Variants in CHD8 observed in about 807,000 individuals in gnomAD.
CHD8 encodes chromodomain helicase DNA binding protein 8.
Under a neutral mutation model 279.2 loss-of-function variants are expected in CHD8, and 31 were observed. The ratio of observed to expected loss-of-function variants is 0.11; its 90% confidence interval spans 0.08 to 0.15. The LOEUF is 0.15. Among genes scored for constraint, CHD8 ranks in the 10% least tolerant of loss-of-function variants. CHD8 has a pLI of 1.00. For missense variants in CHD8, 2,146 were observed against 3,230.5 expected (o/e 0.66, Z 8.14); for synonymous variants, 1,081 against 1,139.6 (o/e 0.95, Z 1.04).
chr14:21,436,948 G>T lies in CHD8; in HGVS notation c.-215-5090C>A. ...TGCCAGTAAGGTCCATACAGCAGAG[G>T]CGGAAGATTTCTGGTAACTGGAGAC... On this transcript the variant is annotated intron_variant, in intron 1 of 37. Transcript: ENST00000646647. 3 of 1,288,596 alleles carry T rather than the reference G, an allele frequency of 2.3e-6. No homozygotes were observed. In the South Asian group the frequency reaches 3.7e-5, roughly 16 times the overall value. The allele number at this position is 1,288,596 out of a possible 1,614,324, so 79.8% of individuals were successfully genotyped here.
intron 5 of CHD8, among the ~76,000 whole-genome samples, chr14:21,417,614 G>A (rs1182493188): frequency 1.3e-5 from 2 of 151,862 alleles, no homozygotes; most frequent in Non-Finnish European, 2.9e-5. Flanking sequence ...CAGCACTTTG[G>A]GAGGCCGAGG....
At position 21,402,247 on chromosome 14, in the gene CHD8, G is replaced by A. The variant is rs1006505044; in HGVS notation, c.3882+89C>T. The A allele has an allele frequency of 6.6e-7, 1 of 1,521,256 alleles. No individual in the cohort carries two copies. Among genetic ancestry groups the A allele is most frequent in the South Asian group, 1.1e-5 (1 of 87,312 alleles). The allele number at this position is 1,521,256 out of a possible 1,614,324, so 94.2% of individuals were successfully genotyped here. On this transcript the variant is annotated intron_variant, in intron 19 of 37. Transcript: ENST00000646647. This position sits in a 1 kb window ranked among gnomAD's most constrained non-coding sequence, Gnocchi z 4.5. The stretch of plus-strand genomic sequence containing the variant: ...AAATAATAATTGAGAATCCAAACAA[G>A]GTAGTCAAATCCCTGTGTACAAATA...
intron 1 of CHD8, among the ~76,000 whole-genome samples, chr14:21,452,944 C>T (rs1373686133): frequency 3.3e-5 from 5 of 150,958 alleles, no homozygotes; most frequent in African/African-American, 4.9e-5. Context: ...GATCGCACCA[C>T]TGCATTCCTG....
At chr14:21,396,548 T>C (rs1225137359) in intron 27 of CHD8, 1 of 152,248 alleles carries the variant, frequency 6.6e-6, no homozygotes, top group Non-Finnish European at 1.5e-5. Context: ...GCTCAAGTGA[T>C]CCCATCCTGG....
intron 7 of CHD8, chr14:21,415,236 T>A (rs1228496652): frequency 2.1e-6 from 1 of 477,640 alleles, no homozygotes; most frequent in Non-Finnish European, 3.7e-6. Context: ...GTTTTCTAGC[T>A]AACTTTCCTC....
At chr14:21,394,861 G>C in intron 30 of CHD8, 51 bp downstream of exon 30, 1 of 1,568,266 alleles carries the variant, frequency 6.4e-7, no homozygotes, top group Non-Finnish European at 8.8e-7. Flanking sequence ...TTTCAGTATA[G>C]GGACCATAAC....
intron 1 of CHD8, among the ~76,000 whole-genome samples, chr14:21,439,855 T>A (rs1379053722): frequency 6.6e-6 from 1 of 152,248 alleles, no homozygotes; most frequent in East Asian, 1.9e-4. Context: ...CTAATATTGC[T>A]GCCTTCAAAT....
chr14:21,447,209 A>T (rs1456266511), intron 1 of CHD8, among the ~76,000 whole-genome samples: 1 of 152,232 alleles, frequency 6.6e-6, no homozygotes, highest in East Asian at 1.9e-4. Flanking sequence ...TACATAAAGC[A>T]AAAGGGGTTG....
At chr14:21,435,553 G>A (rs2139551252) in intron 1 of CHD8, among the ~76,000 whole-genome samples, 2 of 152,218 alleles carry the variant, frequency 1.3e-5, no homozygotes, top group South Asian at 4.1e-4. Context: ...CTATGATAAA[G>A]TATTTTGTTT....
At chr14:21,386,970 A>T (rs2139431070) in intron 37 of CHD8, among the ~76,000 whole-genome samples, 1 of 152,336 alleles carries the variant, frequency 6.6e-6, no homozygotes, top group Non-Finnish European at 1.5e-5. Flanking sequence ...GATCAGATAA[A>T]GATTTCTACA....
chr14:21,397,408 T>C (rs750088052), intron 27 of CHD8: 5 of 515,706 alleles, frequency 9.7e-6, no homozygotes, highest in East Asian at 5.5e-5. Flanking sequence ...GGGACATGTT[T>C]TCAGGCAAAA....
At chr14:21,450,886 C>A (rs1450063665) in intron 1 of CHD8, among the ~76,000 whole-genome samples, 1 of 151,582 alleles carries the variant, frequency 6.6e-6, no homozygotes, top group Non-Finnish European at 1.5e-5. Context: ...TTGGCACTAT[C>A]ACATTTAAGG....
chr14:21,445,994 G>A (rs553495748), intron 1 of CHD8, among the ~76,000 whole-genome samples: 8 of 151,280 alleles, frequency 5.3e-5, no homozygotes, highest in African/African-American at 9.7e-5. Context: ...GCGAGACTCC[G>A]TCTCAAAAAA....
chr14:21,434,650 T>C (rs1251338219), intron 1 of CHD8, among the ~76,000 whole-genome samples: 1 of 152,204 alleles, frequency 6.6e-6, no homozygotes, highest in Non-Finnish European at 1.5e-5. Flanking sequence ...TAGTTCGGTC[T>C]ATGCCTAATA....
chr14:21,386,709 C>G (rs1380588736), intron 37 of CHD8, among the ~76,000 whole-genome samples: 1 of 151,924 alleles, frequency 6.6e-6, no homozygotes, highest in African/African-American at 2.4e-5. Context: ...AGGTGGCGGG[C>G]GCCTGTAGTC....
In CHD8 at chr14:21,395,077, C is replaced by T; in HGVS notation, c.5225G>A (p.Gly1742Asp). The change falls in exon 30 of 38, where the codon GGC (glycine) becomes GAC (aspartate). Residue 1742 changes from glycine to aspartate, a missense_variant. Physicochemically the swap from Gly to Asp is moderately conservative, Grantham distance 94. Around this residue, in one of 26 missense-constraint regions of CHD8, gnomAD observed 11 missense variants for 35.6 expected, o/e 0.31. Coordinates refer to ENST00000646647, the MANE Select transcript of CHD8 (RefSeq NM_001170629.2). ...CCGAAGCCTAGCTGTTAGGGCAGAG[C>T]CCGGAGGCCAGAATAAATGGCCTGG... Reference protein sequence around the residue: ...QQPGHLFWPPGSALTARLRRL... With the variant: ...QQPGHLFWPPDSALTARLRRL... 6.2e-7 allele frequency: 1 copy of T among 1,613,986 alleles called. No individual in the cohort carries two copies. Among genetic ancestry groups the T allele is most frequent in the South Asian group, 1.1e-5 (1 of 91,076 alleles).
chr14:21,389,027 C>T (rs1248692190), intron 37 of CHD8, among the ~76,000 whole-genome samples: 7 of 152,264 alleles, frequency 4.6e-5, no homozygotes, highest in South Asian at 4.1e-4. Context: ...ATTGACCAGG[C>T]GCTGTGGCTC....
At chr14:21,417,809 G>A (rs577609200) in intron 5 of CHD8, among the ~76,000 whole-genome samples, 115 of 145,838 alleles carry the variant, frequency 7.9e-4, no homozygotes, top group African/African-American at 2.8e-3. Context: ...AGCCGAGATC[G>A]CGCCACTGCA....
At position 21,392,911 on chromosome 14, in the gene CHD8, C is replaced by T. The variant is rs567777585; in HGVS notation, c.6469-102G>A. The T allele has an allele frequency of 3.0e-6, 4 of 1,322,306 alleles. No individual in the cohort carries two copies. In the South Asian group the frequency reaches 5.5e-5, roughly 18 times the overall value. 81.9% of individuals were successfully genotyped at this position (1,322,306 alleles called of 1,614,324 possible). A position where few individuals can be genotyped will look rare whatever the true frequency, so the allele number is the denominator to read the frequency against. On this transcript the variant is annotated intron_variant, in intron 33 of 37. Coordinates refer to ENST00000646647, the MANE Select transcript of CHD8 (RefSeq NM_001170629.2). The stretch of plus-strand genomic sequence containing the variant: ...CATCACTACCAGGATGGGTAAAAAT[C>T]ATAAGGCAGAAAAGAGGAAGTTAAT...
Sources: allele counts gnomAD v4.1 joint callset (sites outside exome capture counted in the v4.1 genomes callset), GRCh38; gene constraint gnomAD v4.1.1; regional missense constraint gnomAD v4.1.1; non-coding constraint Gnocchi (gnomAD v3.1); transcripts MANE v1.5; gene names NCBI Gene and HGNC (gene_info 2026-07-23, HGNC 2026-07-21).